The following TGFBR3 variants were observed in gnomAD, a reference collection of about 807,000 sequenced individuals.
The protein encoded by TGFBR3 is transforming growth factor beta receptor type 3.
TGFBR3 carries 46 observed loss-of-function variants against 87.9 expected under a neutral mutation model. The ratio of observed to expected loss-of-function variants is 0.52; its 90% CI spans 0.41 to 0.67. The LOEUF (loss-of-function observed/expected upper bound fraction) is 0.67. TGFBR3 is among the 30% of genes least tolerant of loss of function. The probability of loss-of-function intolerance (pLI) is 0.00; values close to 1 mark genes in which losing one functional copy is unlikely to be tolerated. For synonymous variants in TGFBR3, 381 were observed against 391.6 expected (o/e 0.97, Z 0.32); for missense variants, 866 against 1,041.9 (o/e 0.83, Z 2.32).
intron 16 of TGFBR3, among the ~76,000 whole-genome samples, chr1:91,694,589 G>C (rs188866684): frequency 6.6e-6 from 1 of 152,336 alleles, no homozygotes; most frequent in Admixed American, 6.5e-5. Context: ...AATCAAGAGG[G>C]TAAAGATATG....
intron 2 of TGFBR3, among the ~76,000 whole-genome samples, chr1:91,850,038 G>A (rs1359121426): frequency 5.3e-5 from 7 of 132,804 alleles, no homozygotes; most frequent in African/African-American, 5.8e-5. Flanking sequence ...CTGAGATCGC[G>A]TCACTGCACT....
At chr1:91,753,446 A>G (rs1335261428) in intron 4 of TGFBR3, among the ~76,000 whole-genome samples, 1 of 143,378 alleles carries the variant, frequency 7.0e-6, no homozygotes, top group Non-Finnish European at 1.5e-5. Flanking sequence ...TACTAGTTTT[A>G]TGAAATACAG....
chr1:91,786,458 G>A (rs6658144), intron 3 of TGFBR3, among the ~76,000 whole-genome samples: 9,157 of 152,176 alleles, frequency 0.06, 294 homozygotes, highest in African/African-American at 0.076. Context: ...AGGGTTTAAA[G>A]AGAATGGGCA....
intron 4 of TGFBR3, 111 bp downstream of exon 4, chr1:91,758,502 G>GA: frequency 7.8e-7 from 1 of 1,284,016 alleles, no homozygotes; most frequent in Non-Finnish European, 1.1e-6. Context: ...ACACTCTTTG[G>GA]ACTCTGGCAT....
At chr1:91,758,413 A>T (rs17886948) in intron 4 of TGFBR3, among the ~76,000 whole-genome samples, 200 bp downstream of exon 4, 158 of 152,248 alleles carry the variant, frequency 1.0e-3, no homozygotes, top group African/African-American at 3.8e-3. Flanking sequence ...CCCACAGAAG[A>T]TGGGCAGGTG....
intron 1 of TGFBR3, chr1:91,861,914 G>A (rs960703287): frequency 1.0e-5 from 3 of 298,826 alleles, no homozygotes; most frequent in Non-Finnish European, 1.9e-5. Flanking sequence ...GGAGCACAGT[G>A]GCGCAGTCTT....
intron 16 of TGFBR3, 96 bp from the exon 17 acceptor site, chr1:91,683,953 C>T: frequency 8.2e-7 from 1 of 1,216,058 alleles, no homozygotes. Context: ...GCCATTTTAA[C>T]TGATATTTTT....
Position 91,706,683 on chromosome 1 carries a change from C to T in TGFBR3, c.2287+1980G>A, listed in dbSNP as rs576495168. Among the ~76,000 whole-genome samples the T allele has an allele frequency of 2.3e-3, 348 of 152,284 alleles. 2 individuals are homozygous for T. The highest frequency in any genetic ancestry group is 8.9e-3 in the South Asian group (43 of 4,822). ...GAGTAGCCATTCTTTTGTTTCTTTA[C>T]GTCTCTAATAAACTTGCTTTCACTT... On this transcript the variant is annotated intron_variant, in intron 14 of 16. Transcript: ENST00000212355.
In TGFBR3 at chr1:91,795,813, G is replaced by C. The variant is rs1294225498; in HGVS notation, c.246+1474C>G. ...GATAAAGAAATCTGACCTGAAATAT[G>C]AGTTGCAGCAACAATGGCAAGCAAC... On this transcript the variant is annotated intron_variant, in intron 3 of 16. Transcript: ENST00000212355. Among the ~76,000 whole-genome samples the C allele has an allele frequency of 2.6e-5, 4 of 152,280 alleles. No individual in the cohort carries two copies. In the South Asian group the frequency reaches 8.3e-4, roughly 32 times the overall value.
chr1:91,721,085 A>G (rs1033210067), intron 8 of TGFBR3, among the ~76,000 whole-genome samples: 2 of 152,216 alleles, frequency 1.3e-5, no homozygotes, highest in African/African-American at 2.4e-5. Context: ...ACTGATGTAC[A>G]CTTGAGGTCA....
chr1:91,807,312 A>G (rs928323955), intron 2 of TGFBR3, among the ~76,000 whole-genome samples: 4 of 152,198 alleles, frequency 2.6e-5, no homozygotes, highest in African/African-American at 9.7e-5. Context: ...TCAGGGGGAA[A>G]AAAACTAGAT....
intron 2 of TGFBR3, among the ~76,000 whole-genome samples, chr1:91,897,531 T>C (rs1679577625): frequency 6.6e-6 from 1 of 152,218 alleles, no homozygotes; most frequent in Non-Finnish European, 1.5e-5. Flanking sequence ...TGTGACAAGA[T>C]TAACTGAATG....
rs530899006 is a variant in TGFBR3, at chr1:91,766,776, C to T, written c.247-8026G>A. ...AGATAGGATGTCTGATGTTAGAATCCTAAGGGTTTTGTTTGAGAGTTGCAT... is the reference window on the plus strand; with the variant it reads ...AGATAGGATGTCTGATGTTAGAATCTTAAGGGTTTTGTTTGAGAGTTGCAT... On this transcript the variant is annotated intron_variant, in intron 3 of 16. Transcript: ENST00000212355. Among the ~76,000 whole-genome samples the T allele has an allele frequency of 3.0e-5, 4 of 133,784 alleles. No individual in the cohort carries two copies. The East Asian group carries it at 7.8e-4, about 26-fold the overall frequency. The allele number at this position is 133,784 out of a possible 152,430, so 87.8% of individuals were successfully genotyped here. A position where few individuals can be genotyped will look rare whatever the true frequency, so the allele number is the denominator to read the frequency against.
upstream of TGFBR3, among the ~76,000 whole-genome samples, chr1:91,888,902 GAC>G (rs1435157050): frequency 2.0e-5 from 3 of 151,978 alleles, no homozygotes; most frequent in Non-Finnish European, 4.4e-5. Flanking sequence ...TTTGTTTTGA[GAC>G]AGAGTCTCGC....
chr1:91,892,118 G>A (rs1022985151), intron 2 of TGFBR3, among the ~76,000 whole-genome samples: 2 of 152,182 alleles, frequency 1.3e-5, no homozygotes, highest in Non-Finnish European at 2.9e-5. Flanking sequence ...TCCTGTGACT[G>A]TGCAGAAGCC....
chr1:91,835,915 T>C (rs1437541567), intron 2 of TGFBR3, among the ~76,000 whole-genome samples: 1 of 150,026 alleles, frequency 6.7e-6, no homozygotes, highest in African/African-American at 2.5e-5. Flanking sequence ...CAGATGTAAC[T>C]TACCCTAAAA....
chr1:91,686,048 C>A (rs1486633745), intron 16 of TGFBR3, among the ~76,000 whole-genome samples: 1 of 152,114 alleles, frequency 6.6e-6, no homozygotes, highest in African/African-American at 2.4e-5. Flanking sequence ...TTTGGCTCAC[C>A]TGGGCTTTGT....
At chr1:91,784,390 T>G (rs911235547) in intron 3 of TGFBR3, among the ~76,000 whole-genome samples, 1 of 152,178 alleles carries the variant, frequency 6.6e-6, no homozygotes, top group South Asian at 2.1e-4. Context: ...ATAACCCAAT[T>G]TGCATAATGC....
Position 91,714,966 on chromosome 1 carries a change from G to A in TGFBR3, c.1866+1270C>T, listed in dbSNP as rs369251717. On this transcript the variant is annotated intron_variant, in intron 12 of 16. Transcript: ENST00000212355. ...GCGGGCTCTGTCCCAGAGTCAGTGCGAATGTGAGAGTTATGTGTCTTTCCA... is the reference window on the plus strand; with the variant it reads ...GCGGGCTCTGTCCCAGAGTCAGTGCAAATGTGAGAGTTATGTGTCTTTCCA... 1.1e-4 allele frequency among the ~76,000 whole-genome samples: 16 copies of A among 152,354 alleles called. No homozygotes were observed. The East Asian group carries it at 3.1e-3, about 29-fold the overall frequency.
Sources: gnomAD v4.1 joint callset for allele counts (sites outside exome capture counted in the v4.1 genomes callset) on GRCh38, gnomAD v4.1.1 for gene constraint, MANE v1.5 for transcripts, NCBI Gene and HGNC (gene_info 2026-07-23, HGNC 2026-07-21) for gene names.